Variants in NEGR1 observed in about 807,000 individuals in gnomAD.
NEGR1 encodes the protein neuronal growth regulator 1, also known as IgLON family member 4.
A neutral mutation model predicts 40.9 loss-of-function variants in NEGR1; 10 were observed. The observed-to-expected ratio is 0.24, with a 90% CI of 0.15 to 0.42. NEGR1 has a LOEUF of 0.42. NEGR1 is among the 10% of genes least tolerant of loss of function. NEGR1 has a pLI of 1.00. For synonymous variants in NEGR1, 185 were observed against 166.8 expected (o/e 1.11, Z -0.84); for missense variants, 352 against 438.9 (o/e 0.80, Z 1.77).
In NEGR1 at chr1:72,083,215, T is replaced by C. The variant is rs756936001; in HGVS notation, c.177-147904A>G. Among the ~76,000 whole-genome samples, 3 of 152,010 alleles carry C rather than the reference T, an allele frequency of 2.0e-5. No homozygotes were observed. In the South Asian group the frequency reaches 6.2e-4, roughly 32 times the overall value. Reference sequence around the variant, plus strand: ...AAACTTTAGAAACTGATTGTATCTATGTGTGTCTTCCTCTCTCACTACCTT... The same window carrying C: ...AAACTTTAGAAACTGATTGTATCTACGTGTGTCTTCCTCTCTCACTACCTT... On this transcript the variant is annotated intron_variant, in intron 1 of 6. Coordinates refer to ENST00000357731, the MANE Select transcript of NEGR1 (RefSeq NM_173808.3).
chr1:72,104,534 C>A (rs1160725636), intron 1 of NEGR1, among the ~76,000 whole-genome samples: 1 of 152,004 alleles, frequency 6.6e-6, no homozygotes, highest in Non-Finnish European at 1.5e-5. Flanking sequence ...TTAATTTTAG[C>A]CCTTTGAGCC....
chr1:71,826,694 T>G, intron 2 of NEGR1, among the ~76,000 whole-genome samples: 1 of 151,958 alleles, frequency 6.6e-6, no homozygotes, highest in East Asian at 1.9e-4. Context: ...AAGTTTTTGT[T>G]ATTCATTTGT....
intron 1 of NEGR1, among the ~76,000 whole-genome samples, chr1:71,956,123 T>C (rs1350911953): frequency 6.6e-6 from 1 of 152,180 alleles, no homozygotes; most frequent in East Asian, 1.9e-4. Context: ...TCCAACAAAC[T>C]GATATATTCT....
intron 2 of NEGR1, among the ~76,000 whole-genome samples, chr1:71,850,512 C>T (rs1259908732): frequency 3.9e-5 from 6 of 152,058 alleles, no homozygotes; most frequent in Non-Finnish European, 7.4e-5. Flanking sequence ...AACTCCTACA[C>T]GGCCCTTTTG....
chr1:72,031,843 G>A (rs1011931673), intron 1 of NEGR1, among the ~76,000 whole-genome samples: 10 of 152,234 alleles, frequency 6.6e-5, no homozygotes, highest in African/African-American at 2.4e-4. Context: ...GACTCATGAT[G>A]TGATACATTC....
chr1:72,278,275 C>T (rs1042390822), intron 1 of NEGR1, among the ~76,000 whole-genome samples: 2 of 151,992 alleles, frequency 1.3e-5, no homozygotes, highest in African/African-American at 4.8e-5. Flanking sequence ...TCGATTAAAG[C>T]ATGACAAGCA....
chr1:72,034,229 C>A (rs3128557), intron 1 of NEGR1, among the ~76,000 whole-genome samples: 79,198 of 152,026 alleles, frequency 0.52, 21,618 homozygotes, highest in East Asian at 0.67. Context: ...TAGTGGTCCT[C>A]GCCAAAACCA....
At chr1:72,024,167 T>C (rs1646786420) in intron 1 of NEGR1, among the ~76,000 whole-genome samples, 1 of 152,160 alleles carries the variant, frequency 6.6e-6, no homozygotes, top group Non-Finnish European at 1.5e-5. Flanking sequence ...GCCAGCTGGC[T>C]ACCTGATTTA....
intron 3 of NEGR1, among the ~76,000 whole-genome samples, chr1:71,709,337 A>G (rs988216259): frequency 3.9e-5 from 6 of 152,234 alleles, no homozygotes; most frequent in African/African-American, 1.4e-4. Flanking sequence ...AATAATAGCC[A>G]TTCTGACTGG....
chr1:71,846,469 G>A (rs1338590623), intron 2 of NEGR1, among the ~76,000 whole-genome samples: 2 of 140,034 alleles, frequency 1.4e-5, no homozygotes, highest in South Asian at 4.5e-4. Flanking sequence ...ACATTTTCTA[G>A]GAATTGTTTC....
At chr1:71,460,447 G>A (rs1016074651) in intron 6 of NEGR1, among the ~76,000 whole-genome samples, 2 of 152,122 alleles carry the variant, frequency 1.3e-5, no homozygotes, top group East Asian at 1.9e-4. Flanking sequence ...AGGCAGCTAC[G>A]TTTCTTCACC....
intron 1 of NEGR1, among the ~76,000 whole-genome samples, chr1:72,104,568 T>C (rs1489858399): frequency 1.3e-5 from 2 of 152,122 alleles, no homozygotes; most frequent in African/African-American, 2.4e-5. Context: ...CTGATCTCCA[T>C]AACTTTAAGA....
intron 2 of NEGR1, among the ~76,000 whole-genome samples, chr1:71,932,284 T>A (rs1363728311): frequency 1.3e-5 from 2 of 151,968 alleles, no homozygotes; most frequent in African/African-American, 4.8e-5. Context: ...TTTTGTTATT[T>A]TTTTATTTGT....
At position 72,098,292 on chromosome 1, in the gene NEGR1, A is replaced by T. The variant is rs1435134961; in HGVS notation, c.177-162981T>A. ...TAGGCTGAAGAATGACTGGAAAAAA[A>T]AATTTAAAACGGAAACAACATAATT... On this transcript the variant is annotated intron_variant, in intron 1 of 6. Coordinates refer to ENST00000357731, the MANE Select transcript of NEGR1 (RefSeq NM_173808.3). Among the ~76,000 whole-genome samples, 3 of 152,178 alleles carry T rather than the reference A, an allele frequency of 2.0e-5. No individual in the cohort carries two copies. In the South Asian group the frequency reaches 6.2e-4, roughly 32 times the overall value.
intron 6 of NEGR1, among the ~76,000 whole-genome samples, chr1:71,556,493 C>T (rs1648255646): frequency 6.6e-6 from 1 of 151,554 alleles, no homozygotes; most frequent in African/African-American, 2.4e-5. Flanking sequence ...GAAGCGTTTG[C>T]TATGATAATG....
chr1:71,785,849 TCCTGGTTTTATAA>T (rs1304372675), intron 2 of NEGR1, among the ~76,000 whole-genome samples: 1 of 152,206 alleles, frequency 6.6e-6, no homozygotes, highest in Non-Finnish European at 1.5e-5. Context: ...AACACCTGGC[TCCTGGTTTTATAA>T]GGTAAGCCTG....
chr1:72,022,298 TATAC>T (rs1319018171), intron 1 of NEGR1, among the ~76,000 whole-genome samples: 201 of 118,018 alleles, frequency 1.7e-3, no homozygotes, highest in South Asian at 0.011. Context: ...TATATATATA[TATAC>T]ACGAATATCC....
chr1:71,781,668 C>A (rs1320742330), intron 2 of NEGR1, among the ~76,000 whole-genome samples: 1 of 152,144 alleles, frequency 6.6e-6, no homozygotes, highest in Non-Finnish European at 1.5e-5. Context: ...ACAAAAACCA[C>A]CTGTTTCCTC....
At chr1:71,882,343 A>C (rs1445943721) in intron 2 of NEGR1, among the ~76,000 whole-genome samples, 1 of 152,092 alleles carries the variant, frequency 6.6e-6, no homozygotes, top group Non-Finnish European at 1.5e-5. Flanking sequence ...CGTTGGCAGA[A>C]GATTTCATCC....
Sources: allele counts gnomAD v4.1 joint callset (sites outside exome capture counted in the v4.1 genomes callset), GRCh38; gene constraint gnomAD v4.1.1; transcripts MANE v1.5; gene names NCBI Gene and HGNC (gene_info 2026-07-23, HGNC 2026-07-21).